Variants in CYP2C19 observed in about 807,000 individuals in gnomAD.
The protein encoded by CYP2C19 is cytochrome P450 2C19.
In CYP2C19, 59 loss-of-function variants were observed where a neutral mutation model predicts 40.9. The ratio of observed to expected loss-of-function variants is 1.44; its 90% CI spans 1.17 to 1.79. The LOEUF is 1.79. CYP2C19 is among the 40% of genes most tolerant of loss of function. The probability of loss-of-function intolerance (pLI) is 0.00; values close to 1 mark genes in which losing one functional copy is unlikely to be tolerated. For missense variants in CYP2C19, 754 were observed against 596.9 expected (o/e 1.26, Z -2.74); for synonymous variants, 253 against 208.7 (o/e 1.21, Z -1.83).
chr10:94,814,120 TC>T (rs1166153687), intron 5 of CYP2C19, among the ~76,000 whole-genome samples: 2 of 151,154 alleles, frequency 1.3e-5, no homozygotes, highest in African/African-American at 4.9e-5. Context: ...GCACCTACTG[TC>T]TAAACATTCC....
At chr10:94,842,690 T>C (rs1849513810) in intron 6 of CYP2C19, 147 bp from the exon 7 acceptor site, 3 of 920,828 alleles carry the variant, frequency 3.3e-6, no homozygotes, top group Non-Finnish European at 5.0e-6. Flanking sequence ...AGCAGTCCTC[T>C]CTTTAAGTTA....
rs1046293903 is a variant in CYP2C19, at chr10:94,854,025, C to CT, written c.*1121dup. On this transcript the variant is annotated 3_prime_UTR_variant, in exon 9 of 9. Transcript: ENST00000371321. ...ATGAACAAAATTTCTTTTCTTTTTT[C>CT]TTTTTTTTTTGAAATGGAGTCCCAC... Among the ~76,000 whole-genome samples the CT allele has an allele frequency of 1.3e-3, 196 of 146,478 alleles. No homozygotes were observed. Among genetic ancestry groups the CT allele is most frequent in the African/African-American group, 3.1e-3 (126 of 40,006 alleles).
At chr10:94,804,232 G>T (rs1476539981) in intron 5 of CYP2C19, among the ~76,000 whole-genome samples, 2 of 152,108 alleles carry the variant, frequency 1.3e-5, no homozygotes, top group Admixed American at 1.3e-4. Flanking sequence ...AGCTAGTCCT[G>T]GCTGTAAATG....
In CYP2C19 at chr10:94,793,167, G is replaced by A. The variant is rs1024801275; in HGVS notation, c.819+11170G>A. Reference sequence around the variant, plus strand: ...GAATCGGCTACTGAAGCTTGTGCATGCATCACATAGTTCTCATGACATGGT... The same window carrying A: ...GAATCGGCTACTGAAGCTTGTGCATACATCACATAGTTCTCATGACATGGT... On this transcript the variant is annotated intron_variant, in intron 5 of 8. Coordinates refer to ENST00000371321, the MANE Select transcript of CYP2C19 (RefSeq NM_000769.4). Among the ~76,000 whole-genome samples, 7 of 152,064 alleles carry A rather than the reference G, an allele frequency of 4.6e-5. No individual in the cohort carries two copies. The South Asian group carries it at 1.2e-3, about 27-fold the overall frequency.
At chr10:94,845,762 A>G (rs555875729) in intron 7 of CYP2C19, among the ~76,000 whole-genome samples, 1 of 152,134 alleles carries the variant, frequency 6.6e-6, no homozygotes, top group African/African-American at 2.4e-5. Context: ...TATAGTACTT[A>G]TTTATAAATA....
intron 6 of CYP2C19, among the ~76,000 whole-genome samples, chr10:94,837,709 A>G (rs931428160): frequency 6.6e-6 from 1 of 152,156 alleles, no homozygotes; most frequent in Non-Finnish European, 1.5e-5. Flanking sequence ...ACCAGTGTCC[A>G]GGAGACAGTT....
intron 5 of CYP2C19, among the ~76,000 whole-genome samples, chr10:94,792,817 T>C (rs1848622226): frequency 6.6e-6 from 1 of 152,200 alleles, no homozygotes; most frequent in Admixed American, 6.5e-5. Flanking sequence ...TTGGTGAATC[T>C]GACAATTATG....
chr10:94,790,711 G>GA (rs1564665927), intron 5 of CYP2C19, among the ~76,000 whole-genome samples: 1 of 152,108 alleles, frequency 6.6e-6, no homozygotes, highest in Non-Finnish European at 1.5e-5. Flanking sequence ...GATCGTGGTG[G>GA]ATGAAGCCAA....
chr10:94,810,809 T>C (rs1197787096), intron 5 of CYP2C19, among the ~76,000 whole-genome samples: 2 of 152,220 alleles, frequency 1.3e-5, no homozygotes, highest in African/African-American at 4.8e-5. Context: ...TAGCAGCCTA[T>C]TTTGTTAATC....
intron 6 of CYP2C19, among the ~76,000 whole-genome samples, chr10:94,834,087 T>C (rs544463349): frequency 6.6e-6 from 1 of 152,250 alleles, no homozygotes; most frequent in African/African-American, 2.4e-5. Flanking sequence ...ATTAGTTCTT[T>C]GTTAAATGTT....
chr10:94,782,423 C>G (rs1417596538), intron 5 of CYP2C19, among the ~76,000 whole-genome samples: 1 of 152,004 alleles, frequency 6.6e-6, no homozygotes, highest in Non-Finnish European at 1.5e-5. Context: ...CCATCTCATG[C>G]CAGTTAGAAT....
intron 6 of CYP2C19, among the ~76,000 whole-genome samples, chr10:94,826,943 T>G (rs1849235663): frequency 6.6e-6 from 1 of 152,188 alleles, no homozygotes; most frequent in African/African-American, 2.4e-5. Flanking sequence ...TCTTTGGTTC[T>G]GTTTATATGC....
At chr10:94,820,868 G>A (rs1849108793) in intron 6 of CYP2C19, among the ~76,000 whole-genome samples, 2 of 152,156 alleles carry the variant, frequency 1.3e-5, no homozygotes, top group African/African-American at 2.4e-5. Context: ...GTGGACCATT[G>A]AGGCTAGGAG....
At chr10:94,848,936 A>G (rs890878174) in intron 7 of CYP2C19, among the ~76,000 whole-genome samples, 3 of 152,154 alleles carry the variant, frequency 2.0e-5, no homozygotes, top group Non-Finnish European at 2.9e-5. Context: ...TTGTATCCTG[A>G]GACTTTGCTG....
chr10:94,829,589 CT>C lies in CYP2C19; in HGVS notation c.961+8955del, dbSNP rs532752172. 4.6e-3 allele frequency among the ~76,000 whole-genome samples: 705 copies of C among 152,206 alleles called. 3 individuals are homozygous for C. Among genetic ancestry groups the C allele is most frequent in the African/African-American group, 0.016 (682 of 41,518 alleles). ...TTTTCAAAGTTTTCAACTTCTTTGC[CT>C]TTGGTTTGAATGTCCTTCCATAGCT... On this transcript the variant is annotated intron_variant, in intron 6 of 8. Coordinates refer to ENST00000371321, the MANE Select transcript of CYP2C19 (RefSeq NM_000769.4).
chr10:94,797,525 C>T (rs1589357502), intron 5 of CYP2C19, among the ~76,000 whole-genome samples: 1 of 152,008 alleles, frequency 6.6e-6, no homozygotes, highest in African/African-American at 2.4e-5. Flanking sequence ...GGGAGGATTC[C>T]ATCTTTTTCT....
chr10:94,834,545 CTTTCTTT>C (rs1214607278), intron 6 of CYP2C19, among the ~76,000 whole-genome samples: 20 of 149,120 alleles, frequency 1.3e-4, no homozygotes, highest in Admixed American at 1.1e-3. Flanking sequence ...TTTTGGTTTT[CTTTCTTT>C]TTTCTTTTTT....
At chr10:94,780,031 T>C (rs1848461167) in intron 3 of CYP2C19, among the ~76,000 whole-genome samples, 1 of 152,166 alleles carries the variant, frequency 6.6e-6, no homozygotes, top group Non-Finnish European at 1.5e-5. Context: ...ATACATGAAT[T>C]CACCCCTAGT....
At chr10:94,808,297 T>A (rs1350149724) in intron 5 of CYP2C19, among the ~76,000 whole-genome samples, 1 of 152,138 alleles carries the variant, frequency 6.6e-6, no homozygotes, top group African/African-American at 2.4e-5. Flanking sequence ...TGTTTTTAAA[T>A]GTTTCTGGGT....
Sources: allele counts gnomAD v4.1 joint callset (sites outside exome capture counted in the v4.1 genomes callset), GRCh38; gene constraint gnomAD v4.1.1; transcripts MANE v1.5; gene names NCBI Gene and HGNC (gene_info 2026-07-23, HGNC 2026-07-21).